The following ALG14 variants were observed in gnomAD, a reference collection of about 807,000 sequenced individuals.
ALG14 encodes UDP-N-acetylglucosamine transferase subunit ALG14.
A neutral mutation model predicts 22.8 loss-of-function variants in ALG14; 17 were observed. The observed-to-expected ratio is 0.75, with a 90% confidence interval of 0.51 to 1.12. The LOEUF (loss-of-function observed/expected upper bound fraction) is 1.12. ALG14 is among the 50% of genes most tolerant of loss of function. ALG14 has a pLI of 0.00. For synonymous variants in ALG14, 89 were observed against 103.7 expected, an observed-to-expected ratio of 0.86 and a Z score of 0.86; for missense variants, 288 against 271.8, an observed-to-expected ratio of 1.06 and a Z score of -0.42.
chr1:95,041,857 A>G (rs1413484406), intron 2 of ALG14, among the ~76,000 whole-genome samples: 1 of 152,132 alleles, frequency 6.6e-6, no homozygotes, highest in African/African-American at 2.4e-5. Flanking sequence ...CCAAACTGCC[A>G]CTGATTCTTA....
intron 2 of ALG14, among the ~76,000 whole-genome samples, chr1:95,043,671 C>T (rs572034740): frequency 3.9e-5 from 6 of 151,968 alleles, no homozygotes; most frequent in Non-Finnish European, 8.8e-5. Context: ...TGGAGGGGCC[C>T]GCCTGGTCCA....
chr1:95,053,893 T>C (rs1454558630), intron 2 of ALG14, among the ~76,000 whole-genome samples: 2 of 152,190 alleles, frequency 1.3e-5, no homozygotes, highest in Non-Finnish European at 1.5e-5. Context: ...AACTCAAACA[T>C]ACTAGGCTAC....
intron 2 of ALG14, among the ~76,000 whole-genome samples, chr1:95,047,209 T>C (rs766084333): frequency 6.6e-6 from 1 of 152,162 alleles, no homozygotes; most frequent in Non-Finnish European, 1.5e-5. Flanking sequence ...ATATAATTCA[T>C]ACTTTGTTAT....
intron 3 of ALG14, chr1:94,983,744 A>C (rs1303773813): frequency 1.2e-5 from 2 of 161,960 alleles, no homozygotes; most frequent in Non-Finnish European, 2.7e-5. Flanking sequence ...TTGACTATGA[A>C]GATTTTTTTT....
intron 3 of ALG14, among the ~76,000 whole-genome samples, chr1:95,019,294 A>G (rs1673589292): frequency 1.3e-5 from 2 of 152,162 alleles, no homozygotes; most frequent in Non-Finnish European, 2.9e-5. Context: ...CAGTCACAAT[A>G]TGTTCTTTCT....
At chr1:95,000,307 G>A (rs1435927826) in intron 3 of ALG14, among the ~76,000 whole-genome samples, 1 of 151,958 alleles carries the variant, frequency 6.6e-6, no homozygotes, top group African/African-American at 2.4e-5. Flanking sequence ...AGGGCAAGGT[G>A]GGAAGATCAC....
chr1:95,064,783 G>A (rs903038888), intron 2 of ALG14, 83 bp downstream of exon 2: 1 of 1,329,728 alleles, frequency 7.5e-7, no homozygotes, highest in African/African-American at 1.4e-5. Context: ...GTAGGGCACT[G>A]AAGTGCCATG....
chr1:95,012,997 G>A (rs1199053463), intron 3 of ALG14, among the ~76,000 whole-genome samples: 1 of 151,876 alleles, frequency 6.6e-6, no homozygotes, highest in Non-Finnish European at 1.5e-5. Flanking sequence ...TTAGCTGGGT[G>A]TGGTGGCAGG....
At position 94,977,862 on chromosome 1, in the gene ALG14, G is replaced by T. The variant is rs1468745992; in HGVS notation, c.*5214C>A. The T allele has an allele frequency of 2.0e-5, 3 of 152,032 alleles. No homozygotes were observed. The highest frequency in any genetic ancestry group is 4.4e-5 in the Non-Finnish European group (3 of 68,058). 9.4% of individuals were successfully genotyped at this position (152,032 alleles called of 1,614,324 possible). ...GATGGGGTTTTACTGTGTTGCCCAG[G>T]CTGATCTCAAACTCCTGGGCTCAGG... is the stretch of plus-strand genomic sequence containing the variant. On this transcript the variant is annotated 3_prime_UTR_variant, in exon 4 of 4. Coordinates refer to ENST00000370205, the MANE Select transcript of ALG14 (RefSeq NM_144988.4).
chr1:95,027,339 G>A, intron 2 of ALG14, 79 bp from the exon 3 acceptor site: 3 of 1,508,594 alleles, frequency 2.0e-6, no homozygotes, highest in Non-Finnish European at 2.7e-6. Context: ...AACAGCTGTA[G>A]AAACAGAAAT....
chr1:95,005,611 C>T (rs981234834), intron 3 of ALG14, among the ~76,000 whole-genome samples: 3 of 152,172 alleles, frequency 2.0e-5, no homozygotes, highest in Non-Finnish European at 4.4e-5. Context: ...GTTAAGCATC[C>T]TCTTTACTGC....
chr1:95,014,809 C>G (rs1673457238), intron 3 of ALG14, among the ~76,000 whole-genome samples: 1 of 152,056 alleles, frequency 6.6e-6, no homozygotes, highest in African/African-American at 2.4e-5. Context: ...GCAATGACAT[C>G]AGAAAGTCTT....
chr1:95,053,928 GGAACTTCTTTTACAA>G (rs1297306550), intron 2 of ALG14, among the ~76,000 whole-genome samples: 7 of 152,056 alleles, frequency 4.6e-5, no homozygotes, highest in African/African-American at 1.4e-4. Flanking sequence ...CAAATACCAA[GGAACTTCTTTTACAA>G]GAACACATTC....
chr1:95,036,289 T>C (rs1224173082), intron 2 of ALG14, among the ~76,000 whole-genome samples: 2 of 152,140 alleles, frequency 1.3e-5, no homozygotes, highest in Non-Finnish European at 2.9e-5. Flanking sequence ...CTGATGGTTT[T>C]ATAAGGGGCT....
At position 94,983,287 on chromosome 1, in the gene ALG14, C is replaced by G; in HGVS notation, c.440G>C (p.Gly147Ala). 3 of 1,614,020 alleles carry G rather than the reference C, an allele frequency of 1.9e-6. No homozygotes were observed. Among genetic ancestry groups the G allele is most frequent in the Non-Finnish European group, 2.5e-6 (3 of 1,179,972 alleles). ...KPDLVLCNGPGTCVPICVSAL... is the reference protein window; with the variant it reads ...KPDLVLCNGPATCVPICVSAL... Reference sequence around the variant, plus strand: ...AGATACACAGATAGGAACACATGTTCCTGGTCCGTTACACAACACCTGAAA... The same window carrying G: ...AGATACACAGATAGGAACACATGTTGCTGGTCCGTTACACAACACCTGAAA... The change falls in exon 4 of 4, where the codon GGA becomes GCA. Residue 147 changes from glycine (G) to alanine (A), a missense_variant. Transcript: ENST00000370205.
intron 2 of ALG14, among the ~76,000 whole-genome samples, chr1:95,051,275 C>A (rs1167337284): frequency 6.6e-6 from 1 of 152,124 alleles, no homozygotes; most frequent in Non-Finnish European, 1.5e-5. Flanking sequence ...GGCCAAAAAC[C>A]TGGGTGCCAT....
intron 3 of ALG14, among the ~76,000 whole-genome samples, chr1:95,012,620 T>C (rs1673397468): frequency 6.6e-6 from 1 of 152,204 alleles, no homozygotes; most frequent in Admixed American, 6.5e-5. Flanking sequence ...CCTATCACCA[T>C]ATGTGGGTTT....
intron 2 of ALG14, among the ~76,000 whole-genome samples, chr1:95,064,009 C>G (rs556514115): frequency 1.3e-5 from 2 of 152,046 alleles, no homozygotes; most frequent in Non-Finnish European, 2.9e-5. Context: ...CCCTTGTTAG[C>G]TATATTCCTA....
chr1:95,065,905 T>A (rs1427382002), intron 1 of ALG14, among the ~76,000 whole-genome samples: 1 of 152,220 alleles, frequency 6.6e-6, no homozygotes, highest in Admixed American at 6.5e-5. Flanking sequence ...AAACATTGTT[T>A]ATGAAAACAA....
Sources: gnomAD v4.1 joint callset for allele counts (sites outside exome capture counted in the v4.1 genomes callset) on GRCh38, gnomAD v4.1.1 for gene constraint, MANE v1.5 for transcripts, NCBI Gene and HGNC (gene_info 2026-07-23, HGNC 2026-07-21) for gene names.